RSPH3: variants seen among roughly 807,000 people sequenced by gnomAD.
The protein encoded by RSPH3 is radial spoke head protein 3 homolog.
Under a neutral mutation model 43.8 loss-of-function variants are expected in RSPH3, and 21 were observed. The observed-to-expected ratio is 0.48, with a 90% confidence interval of 0.34 to 0.69. The LOEUF (loss-of-function observed/expected upper bound fraction) is 0.69. RSPH3 is among the 30% of genes least tolerant of loss of function. The pLI, the probability that RSPH3 is intolerant of heterozygous loss-of-function variation, is 0.01. For missense variants in RSPH3, 487 were observed against 516.0 expected (o/e 0.94, Z 0.54); for synonymous variants, 173 against 179.8 (o/e 0.96, Z 0.30).
intron 4 of RSPH3, among the ~76,000 whole-genome samples, 158 bp from the exon 5 acceptor site, chr6:158,982,846 A>G (rs1778081525): frequency 6.6e-6 from 1 of 152,186 alleles, no homozygotes; most frequent in Non-Finnish European, 1.5e-5. Flanking sequence ...AATCCTCAAA[A>G]TGAACAACAT....
chr6:158,980,054 GA>G (rs1350195246), intron 6 of RSPH3, among the ~76,000 whole-genome samples: 5 of 152,206 alleles, frequency 3.3e-5, no homozygotes, highest in Non-Finnish European at 5.9e-5. Flanking sequence ...AGTCAGCTGA[GA>G]AAAAGTTAAT....
At chr6:158,998,297 C>CAAAAAAAAAAAAAAAAAAAA (rs71297000) in intron 1 of RSPH3, among the ~76,000 whole-genome samples, 1 of 53,922 alleles carries the variant, frequency 1.9e-5, no homozygotes, top group Non-Finnish European at 3.6e-5. Flanking sequence ...TAAAAAAATA[C>CAAAAAAAAAAAAAAAAAAAA]AAAAAAAAAA....
chr6:158,971,424 C>T (rs1044626225), downstream of RSPH3, among the ~76,000 whole-genome samples: 3 of 152,194 alleles, frequency 2.0e-5, no homozygotes, highest in Admixed American at 6.5e-5. Flanking sequence ...CCTTATTCCA[C>T]CATTCCAGAG....
At chr6:158,999,290 T>C in intron 1 of RSPH3, 145 bp downstream of exon 1, 1 of 686,130 alleles carries the variant, frequency 1.5e-6, no homozygotes, top group African/African-American at 1.9e-5. Context: ...CACGGGAGAT[T>C]CCTTAGGGCA....
the RSPH3 span, among the ~76,000 whole-genome samples, chr6:158,964,719 C>A: frequency 6.6e-6 from 1 of 151,954 alleles, no homozygotes; most frequent in African/African-American, 2.4e-5. Context: ...ATAATAAATT[C>A]TTTGTTAGAT....
intron 2 of RSPH3, among the ~76,000 whole-genome samples, chr6:158,986,892 C>T (rs1033543019): frequency 6.6e-6 from 1 of 152,078 alleles, no homozygotes; most frequent in African/African-American, 2.4e-5. Flanking sequence ...ATGGTCTATT[C>T]TGAAGAATGA....
intron 5 of RSPH3, among the ~76,000 whole-genome samples, chr6:158,981,552 T>C (rs764782748): frequency 5.2e-4 from 78 of 149,010 alleles, no homozygotes; most frequent in Non-Finnish European, 7.4e-4. Context: ...TTCCAAATAG[T>C]AAATAAACAA....
At chr6:158,971,535 C>G (rs1777694084), downstream of RSPH3, among the ~76,000 whole-genome samples, 1 of 152,142 alleles carries the variant, frequency 6.6e-6, no homozygotes, top group South Asian at 2.1e-4. Flanking sequence ...GACTGCTATA[C>G]TTTTTGAGTT....
chr6:158,990,314 C>T (rs1245100084), intron 2 of RSPH3: 2 of 152,250 alleles, frequency 1.3e-5, no homozygotes, highest in Non-Finnish European at 2.9e-5. Flanking sequence ...CTCCTACCAT[C>T]TCCTTGAAGC....
At chr6:158,963,598 CTTTT>C in the RSPH3 span, among the ~76,000 whole-genome samples, 1 of 99,000 alleles carries the variant, frequency 1.0e-5, no homozygotes, top group African/African-American at 3.7e-5. Flanking sequence ...TCTTTTCTTT[CTTTT>C]GATAGGTTTC....
chr6:158,970,566 G>A (rs1266516360), downstream of RSPH3, among the ~76,000 whole-genome samples: 4 of 150,884 alleles, frequency 2.7e-5, no homozygotes, highest in Non-Finnish European at 4.4e-5. Flanking sequence ...CATTTTTTGA[G>A]ATGGAGTCTC....
chr6:158,990,199 C>A (rs1007663443), intron 2 of RSPH3, among the ~76,000 whole-genome samples: 5 of 152,020 alleles, frequency 3.3e-5, no homozygotes, highest in African/African-American at 1.2e-4. Flanking sequence ...ATATATATAT[C>A]TATTCCATTT....
downstream of RSPH3, among the ~76,000 whole-genome samples, chr6:158,971,304 T>C (rs533024051): frequency 1.3e-5 from 2 of 152,346 alleles, no homozygotes; most frequent in Admixed American, 6.5e-5. Context: ...TAATAAATGT[T>C]TGTCATTGTT....
intron 2 of RSPH3, among the ~76,000 whole-genome samples, chr6:158,991,173 TG>T (rs978083365): frequency 9.9e-5 from 15 of 152,214 alleles, no homozygotes; most frequent in Admixed American, 9.8e-4. Context: ...TTAAAATCCT[TG>T]TCAGGTAATT....
At chr6:158,992,413 G>C (rs1778444560) in intron 2 of RSPH3, among the ~76,000 whole-genome samples, 1 of 151,608 alleles carries the variant, frequency 6.6e-6, no homozygotes, top group African/African-American at 2.4e-5. Flanking sequence ...CCAAGTAGCT[G>C]GGACTACAGG....
chr6:158,996,148 AG>A (rs1778587368), intron 1 of RSPH3, among the ~76,000 whole-genome samples: 1 of 152,236 alleles, frequency 6.6e-6, no homozygotes, highest in Admixed American at 6.5e-5. Flanking sequence ...AATAAAAAAA[AG>A]GTATGTTCTA....
intron 3 of RSPH3, among the ~76,000 whole-genome samples, chr6:158,985,401 C>A (rs1778194560): frequency 6.6e-6 from 1 of 152,160 alleles, no homozygotes. Context: ...GAAAGGATCC[C>A]AGTTTGAGAA....
chr6:158,967,801 T>C, the RSPH3 span, among the ~76,000 whole-genome samples: 1 of 152,240 alleles, frequency 6.6e-6, no homozygotes, highest in Non-Finnish European at 1.5e-5. Flanking sequence ...TTTCTGAAGA[T>C]TGACCTTTTT....
intron 4 of RSPH3, 25 bp from the exon 5 acceptor site, chr6:158,982,713 C>G (rs1343163315): frequency 6.5e-7 from 1 of 1,531,392 alleles, no homozygotes; most frequent in Non-Finnish European, 9.0e-7. Context: ...ATAAAGCAAA[C>G]TTAAAATTTT....
Sources: allele counts gnomAD v4.1 joint callset (sites outside exome capture counted in the v4.1 genomes callset), GRCh38; gene constraint gnomAD v4.1.1; transcripts MANE v1.5; gene names NCBI Gene and HGNC (gene_info 2026-07-23, HGNC 2026-07-21).